The following SLIRP variants were observed in gnomAD, a reference collection of about 807,000 sequenced individuals.
SLIRP encodes the protein SRA stem-loop interacting RNA binding protein.
Under a neutral mutation model 13.4 loss-of-function variants are expected in SLIRP, and 12 were observed. The ratio of observed to expected loss-of-function variants is 0.89; its 90% CI spans 0.57 to 1.45. The LOEUF is 1.45. Ranked by LOEUF, SLIRP falls within the 40% of genes most tolerant of loss-of-function variation. The probability of loss-of-function intolerance (pLI) is 0.00; values close to 1 mark genes in which losing one functional copy is unlikely to be tolerated. For synonymous variants in SLIRP, 55 were observed against 47.1 expected, an observed-to-expected ratio of 1.17 and a Z score of -0.69; for missense variants, 154 against 132.2, an observed-to-expected ratio of 1.17 and a Z score of -0.81.
chr14:77,713,049 T>TTTAC (rs2080453042), intron 2 of SLIRP, among the ~76,000 whole-genome samples: 1 of 152,082 alleles, frequency 6.6e-6, no homozygotes, highest in Non-Finnish European at 1.5e-5. Flanking sequence ...TTATATAGGG[T>TTTAC]GTAACATGGG....
At chr14:77,710,408 G>A (rs1422386115) in intron 1 of SLIRP, 1 of 416,176 alleles carries the variant, frequency 2.4e-6, no homozygotes, top group Non-Finnish European at 4.7e-6. Flanking sequence ...TGGGAAATAA[G>A]GCAGGAAGGG....
chr14:77,715,012 G>A (rs2080465686), intron 2 of SLIRP, among the ~76,000 whole-genome samples: 1 of 152,162 alleles, frequency 6.6e-6, no homozygotes, highest in African/African-American at 2.4e-5. Flanking sequence ...ACTAGGTTGA[G>A]TAAGGGCTAA....
At chr14:77,717,394 G>C in intron 3 of SLIRP, 102 bp from the exon 4 acceptor site, 4 of 951,296 alleles carry the variant, frequency 4.2e-6, no homozygotes, top group Middle Eastern at 4.3e-4. Context: ...AAAACTGCCT[G>C]GGTTATTCAT....
intron 3 of SLIRP, 133 bp downstream of exon 3, chr14:77,716,012 CTTG>C: frequency 7.7e-6 from 6 of 774,884 alleles, no homozygotes; most frequent in East Asian, 5.7e-5. Context: ...TGCCTTAATG[CTTG>C]TTAAGAATGG....
At chr14:77,714,389 C>T (rs1337462559) in intron 2 of SLIRP, among the ~76,000 whole-genome samples, 2 of 152,212 alleles carry the variant, frequency 1.3e-5, no homozygotes, top group African/African-American at 2.4e-5. Context: ...CAATCGCTGC[C>T]TCCTGGGTTC....
chr14:77,714,029 G>C (rs529868875), intron 2 of SLIRP, among the ~76,000 whole-genome samples: 2 of 94,878 alleles, frequency 2.1e-5, no homozygotes, highest in African/African-American at 9.0e-5. Context: ...TTCCTTTTTT[G>C]AGACAGGTTC....
chr14:77,714,501 A>AT (rs1161123174), intron 2 of SLIRP, among the ~76,000 whole-genome samples: 6 of 152,172 alleles, frequency 3.9e-5, no homozygotes, highest in Admixed American at 6.5e-5. Context: ...GAGTTTCACT[A>AT]TGTTGGCCAG....
At chr14:77,710,259 T>C (rs1480238376) in intron 1 of SLIRP, among the ~76,000 whole-genome samples, 4 of 152,180 alleles carry the variant, frequency 2.6e-5, no homozygotes, top group Admixed American at 1.3e-4. Flanking sequence ...AGGATAGTTA[T>C]AGTGTTACAA....
At chr14:77,710,746 C>T in intron 1 of SLIRP, 92 bp from the exon 2 acceptor site, 2 of 1,583,216 alleles carry the variant, frequency 1.3e-6, no homozygotes, top group Non-Finnish European at 1.7e-6. Flanking sequence ...AGTTCCTGTC[C>T]ACAAGAAATC....
intron 2 of SLIRP, among the ~76,000 whole-genome samples, chr14:77,711,361 C>T (rs2080439225): frequency 2.0e-5 from 3 of 152,032 alleles, no homozygotes; most frequent in Non-Finnish European, 1.5e-5. Flanking sequence ...AACAGGGTCT[C>T]GCTCTGTCCC....
rs367637472 is a variant in SLIRP, at chr14:77,708,231, T to C, written c.97+23T>C. ...CGAGTGAGTGATGGAGATGTGGGAG[T>C]AGTGGAATTTTTAGGTCCAAGTGAT... On this transcript the variant is annotated intron_variant, in intron 1 of 3. Coordinates refer to ENST00000557342, the MANE Select transcript of SLIRP (RefSeq NM_031210.6). The C allele has an allele frequency of 2.5e-6, 4 of 1,610,964 alleles. No homozygotes were observed. The African/African-American group carries it at 5.4e-5, about 22-fold the overall frequency.
rs753759183 is a variant in SLIRP, at chr14:77,717,596, G to A, written c.*35G>A. On this transcript the variant is annotated 3_prime_UTR_variant, in exon 4 of 4. Transcript: ENST00000557342. ...CTATTAATAAAGTTAACATAACTGA[G>A]AATTTTGTCTAAATGTTTTTATTTG... 1 of 1,558,942 alleles carries A rather than the reference G, an allele frequency of 6.4e-7. No homozygotes were observed. The highest frequency in any genetic ancestry group is 8.8e-7 in the Non-Finnish European group (1 of 1,135,032).
intron 3 of SLIRP, 50 bp downstream of exon 3, chr14:77,715,929 A>G (rs781053224): frequency 3.0e-6 from 4 of 1,314,118 alleles, no homozygotes; most frequent in Middle Eastern, 1.8e-4. Context: ...TGTAGGTACT[A>G]TTTAATTATG....
intron 2 of SLIRP, among the ~76,000 whole-genome samples, chr14:77,711,531 A>G (rs1199861434): frequency 6.6e-6 from 1 of 151,496 alleles, no homozygotes; most frequent in Non-Finnish European, 1.5e-5. Context: ...GTTTCGCCAT[A>G]CTGTCCAGAC....
rs184152794 is a variant in SLIRP, at chr14:77,708,310, A to T, written c.97+102A>T. On this transcript the variant is annotated intron_variant, in intron 1 of 3. Transcript: ENST00000557342. The stretch of plus-strand genomic sequence containing the variant: ...CTTAAGTCAGCGTGGTGGCTGAATT[A>T]GGAGACTGCTCCTGAGCATGCAAGT... The T allele has an allele frequency of 3.4e-4, 390 of 1,160,938 alleles. 2 individuals are homozygous for T. The East Asian group carries it at 7.3e-3, about 22-fold the overall frequency. The allele number at this position is 1,160,938 out of a possible 1,614,324, so 71.9% of individuals were successfully genotyped here.
chr14:77,708,433 G>C (rs1030245826), intron 1 of SLIRP, among the ~76,000 whole-genome samples: 4 of 152,134 alleles, frequency 2.6e-5, no homozygotes, highest in African/African-American at 9.7e-5. Context: ...GGAGTGATTT[G>C]GTGTAAAGAT....
intron 3 of SLIRP, among the ~76,000 whole-genome samples, chr14:77,717,055 G>C (rs761699569): frequency 5.9e-5 from 9 of 152,224 alleles, no homozygotes; most frequent in Non-Finnish European, 1.2e-4. Context: ...GTGAGCCACA[G>C]CGCCTGGCCA....
At chr14:77,708,100 T>G (rs1346918898), upstream of SLIRP, 1 of 1,613,702 alleles carries the variant, frequency 6.2e-7, no homozygotes, top group Non-Finnish European at 8.5e-7. Context: ...GAGAAGGTGC[T>G]TTAGTCTGAA....
intron 1 of SLIRP, among the ~76,000 whole-genome samples, chr14:77,709,737 TTTAA>T (rs2080426014): frequency 6.6e-6 from 1 of 152,244 alleles, no homozygotes; most frequent in Non-Finnish European, 1.5e-5. Context: ...CTTCTAGGAC[TTTAA>T]TTATCTGGTA....
Sources: gnomAD v4.1 joint callset for allele counts (sites outside exome capture counted in the v4.1 genomes callset) on GRCh38, gnomAD v4.1.1 for gene constraint, MANE v1.5 for transcripts, NCBI Gene and HGNC (gene_info 2026-07-23, HGNC 2026-07-21) for gene names.